The following RCAN2 variants were observed in gnomAD, a reference collection of about 807,000 sequenced individuals.
The protein encoded by RCAN2 is regulator of calcineurin 2, also known as calcipressin-2.
RCAN2 carries 9 observed loss-of-function variants against 23.6 expected under a neutral mutation model. The ratio of observed to expected loss-of-function variants is 0.38; its 90% CI spans 0.23 to 0.67. The LOEUF (loss-of-function observed/expected upper bound fraction) is 0.67, where lower values mean the gene tolerates loss of function less well. Among genes scored for constraint, RCAN2 ranks in the 30% least tolerant of loss-of-function variants. The pLI is 0.51. For synonymous variants in RCAN2, 109 were observed against 115.7 expected (o/e 0.94, Z 0.37); for missense variants, 273 against 302.3 (o/e 0.90, Z 0.72).
chr6:46,451,624 C>T (rs1290119652), intron 2 of RCAN2, among the ~76,000 whole-genome samples: 2 of 152,116 alleles, frequency 1.3e-5, no homozygotes, highest in Non-Finnish European at 2.9e-5. Flanking sequence ...TTTGAAAATC[C>T]TTTAGGATGC....
At chr6:46,256,246 T>C (rs1766911254) in intron 2 of RCAN2, among the ~76,000 whole-genome samples, 2 of 152,094 alleles carry the variant, frequency 1.3e-5, no homozygotes, top group African/African-American at 4.8e-5. Context: ...GGCACATGCC[T>C]GCAATCCCTA....
chr6:46,397,920 A>G (rs1766142534), intron 2 of RCAN2, among the ~76,000 whole-genome samples: 1 of 152,206 alleles, frequency 6.6e-6, no homozygotes, highest in Non-Finnish European at 1.5e-5. Context: ...AAAATATTCT[A>G]CAGGTAAATA....
intron 1 of RCAN2, among the ~76,000 whole-genome samples, chr6:46,478,275 C>T (rs923474416): frequency 2.0e-5 from 3 of 152,168 alleles, no homozygotes; most frequent in Non-Finnish European, 4.4e-5. Context: ...CCACTCCATG[C>T]ACCCAGTGAT....
At chr6:46,280,695 A>G (rs138468381) in intron 2 of RCAN2, among the ~76,000 whole-genome samples, 2 of 152,320 alleles carry the variant, frequency 1.3e-5, no homozygotes, top group African/African-American at 4.8e-5. Flanking sequence ...ATGAAATATC[A>G]GGGTAGAGAA....
chr6:46,345,743 G>A (rs926577748), intron 2 of RCAN2, among the ~76,000 whole-genome samples: 4 of 152,146 alleles, frequency 2.6e-5, no homozygotes, highest in East Asian at 1.9e-4. Context: ...ATTTAATGAA[G>A]AAACAAATAT....
intron 2 of RCAN2, among the ~76,000 whole-genome samples, chr6:46,322,398 T>C (rs1763647153): frequency 6.6e-6 from 1 of 152,232 alleles, no homozygotes; most frequent in Admixed American, 6.5e-5. Flanking sequence ...GAATTCCATT[T>C]GTCTGATTTC....
intron 2 of RCAN2, among the ~76,000 whole-genome samples, chr6:46,284,726 T>C (rs9349353): frequency 0.11 from 16,860 of 152,218 alleles, 1,199 homozygotes; most frequent in East Asian, 0.2. Context: ...CCACAGCCTA[T>C]ATCATTTCAG....
Position 46,335,272 on chromosome 6 carries a change from G to A in RCAN2, c.226-86376C>T, listed in dbSNP as rs180973060. Among the ~76,000 whole-genome samples, 42 of 152,302 alleles carry A rather than the reference G, an allele frequency of 2.8e-4. No individual in the cohort carries two copies. The East Asian group carries it at 7.1e-3, about 26-fold the overall frequency. On this transcript the variant is annotated intron_variant, in intron 2 of 4. Coordinates refer to ENST00000371374, the MANE Select transcript of RCAN2 (RefSeq NM_001251974.2). ...GACATCAAATTCTGGAAGCATCGGA[G>A]TCCTCATTTTCAGTCACTTTGGAGG... is the stretch of plus-strand genomic sequence containing the variant.
At chr6:46,487,931 G>A (rs1332925128) in intron 1 of RCAN2, among the ~76,000 whole-genome samples, 1 of 152,208 alleles carries the variant, frequency 6.6e-6, no homozygotes, top group East Asian at 1.9e-4. Context: ...ACTTCAGAAT[G>A]TCACACTCCC....
intron 2 of RCAN2, among the ~76,000 whole-genome samples, chr6:46,332,878 T>A (rs1022893057): frequency 6.6e-6 from 1 of 152,166 alleles, no homozygotes; most frequent in Non-Finnish European, 1.5e-5. Context: ...CCTGAGGAAT[T>A]GCCACACTGA....
chr6:46,248,881 G>T lies in RCAN2; in HGVS notation c.241C>A (p.Leu81Met). The T allele has an allele frequency of 6.2e-7, 1 of 1,602,474 alleles. No homozygotes were observed. Among genetic ancestry groups the T allele is most frequent in the South Asian group, 1.1e-5 (1 of 88,806 alleles). Reference sequence around the variant, plus strand: ...ACACAGTCATCATAAGTCCGAAACAGTCCCTCAAATTTTTCCTGATAAAAA... The same window carrying T: ...ACACAGTCATCATAAGTCCGAAACATTCCCTCAAATTTTTCCTGATAAAAA... ...GEESKEKFEGLFRTYDDCVTF... is the reference protein window; with the variant it reads ...GEESKEKFEGMFRTYDDCVTF... Residue 81 changes from leucine to methionine, a missense_variant, in exon 3 of 5, where the codon CTG (leucine) becomes ATG (methionine). Transcript: ENST00000371374.
In RCAN2 at chr6:46,277,674, A is replaced by G. The variant is rs914842308; in HGVS notation, c.226-28778T>C. ...AGGAACAGTTCCTGCACCCCCTTTCACCACCTAAATATTTTTTATTTATGC... is the reference window on the plus strand; with the variant it reads ...AGGAACAGTTCCTGCACCCCCTTTCGCCACCTAAATATTTTTTATTTATGC... On this transcript the variant is annotated intron_variant, in intron 2 of 4. Transcript: ENST00000371374. Among the ~76,000 whole-genome samples the G allele has an allele frequency of 2.6e-5, 4 of 151,706 alleles. No individual in the cohort carries two copies. The South Asian group carries it at 8.4e-4, about 32-fold the overall frequency.
intron 2 of RCAN2, among the ~76,000 whole-genome samples, chr6:46,269,855 C>T (rs1561836594): frequency 6.6e-6 from 1 of 152,066 alleles, no homozygotes; most frequent in Admixed American, 6.5e-5. Context: ...GGAGGGGTAC[C>T]CTTCACAGGC....
chr6:46,294,003 C>T (rs1481073570), intron 2 of RCAN2, among the ~76,000 whole-genome samples: 1 of 152,096 alleles, frequency 6.6e-6, no homozygotes, highest in Non-Finnish European at 1.5e-5. Flanking sequence ...CATCTTGGAG[C>T]AGCAAAGTCA....
At chr6:46,419,854 T>C (rs1766825686) in intron 2 of RCAN2, among the ~76,000 whole-genome samples, 2 of 152,190 alleles carry the variant, frequency 1.3e-5, no homozygotes, top group South Asian at 4.1e-4. Flanking sequence ...TCATTTATTC[T>C]TCGTGTTGGC....
rs187273484 is a variant in RCAN2 at position 46,229,669 on chromosome 6, T to C, written c.572-6368A>G. On this transcript the variant is annotated intron_variant, in intron 4 of 4. Coordinates refer to ENST00000371374, the MANE Select transcript of RCAN2 (RefSeq NM_001251974.2). ...GCTGTTTATTCTAGTTAGCCATTTG[T>C]CTAATCTTTTTTCAAGGTTTTTAGC... Among the ~76,000 whole-genome samples, 203 of 152,320 alleles carry C rather than the reference T, an allele frequency of 1.3e-3. 4 individuals carry two copies. Among genetic ancestry groups the C allele is most frequent in the African/African-American group, 4.6e-3 (193 of 41,572 alleles).
chr6:46,253,802 C>G (rs1384180305), intron 2 of RCAN2, among the ~76,000 whole-genome samples: 2 of 152,026 alleles, frequency 1.3e-5, no homozygotes, highest in Admixed American at 1.3e-4. Flanking sequence ...ATATTTTTAC[C>G]ATACCTTTTC....
At chr6:46,426,142 A>AC (rs1767025381) in intron 2 of RCAN2, among the ~76,000 whole-genome samples, 1 of 150,398 alleles carries the variant, frequency 6.6e-6, no homozygotes. Flanking sequence ...CAGATGATCC[A>AC]CCCCCCTCAG....
intron 2 of RCAN2, among the ~76,000 whole-genome samples, chr6:46,333,759 A>G (rs1764058505): frequency 6.6e-6 from 1 of 152,200 alleles, no homozygotes; most frequent in Non-Finnish European, 1.5e-5. Context: ...GTAGGCGCAC[A>G]TATTTCTACA....
Sources: allele counts gnomAD v4.1 joint callset (sites outside exome capture counted in the v4.1 genomes callset), GRCh38; gene constraint gnomAD v4.1.1; transcripts MANE v1.5; gene names NCBI Gene and HGNC (gene_info 2026-07-23, HGNC 2026-07-21).